Variants in SPATA6 observed in about 807,000 individuals in gnomAD.
The protein encoded by SPATA6 is spermatogenesis associated 6, also known as spermatogenesis-associated protein 6.
Under a neutral mutation model 65.3 loss-of-function variants are expected in SPATA6, and 56 were observed. That is an observed-to-expected ratio of 0.86 (90% CI 0.69 to 1.07). SPATA6 has a LOEUF of 1.07. Ranked by LOEUF, SPATA6 falls within the 50% of genes least tolerant of loss-of-function variation. SPATA6 has a pLI of 0.00. For synonymous variants in SPATA6, 199 were observed against 213.2 expected (o/e 0.93, Z 0.58); for missense variants, 590 against 594.8 (o/e 0.99, Z 0.08).
intron 11 of SPATA6, among the ~76,000 whole-genome samples, chr1:48,348,543 G>A (rs982886044): frequency 1.6e-4 from 25 of 151,700 alleles, no homozygotes; most frequent in Admixed American, 2.6e-4. Context: ...ACTACAAGAT[G>A]CTCCATGTTA....
At chr1:48,270,987 A>G in the SPATA6 span, among the ~76,000 whole-genome samples, 158 of 152,288 alleles carry the variant, frequency 1.0e-3, no homozygotes, top group African/African-American at 3.7e-3. Context: ...TGCATTTGAA[A>G]GCTAGAAGAT....
chr1:48,362,437 C>T (rs1248242437), intron 9 of SPATA6, among the ~76,000 whole-genome samples: 2 of 151,956 alleles, frequency 1.3e-5, no homozygotes, highest in East Asian at 1.9e-4. Flanking sequence ...AATTTTATCC[C>T]CAAACTAGTC....
intron 10 of SPATA6, among the ~76,000 whole-genome samples, chr1:48,356,565 G>T (rs998278093): frequency 7.0e-6 from 1 of 143,616 alleles, no homozygotes; most frequent in Non-Finnish European, 1.5e-5. Context: ...CCATGCTGGA[G>T]TGCAATGGCG....
At chr1:48,404,534 G>A (rs1651505307) in intron 5 of SPATA6, among the ~76,000 whole-genome samples, 1 of 151,848 alleles carries the variant, frequency 6.6e-6, no homozygotes, top group Non-Finnish European at 1.5e-5. Context: ...GTAGATACAG[G>A]ATCTCACTAT....
chr1:48,262,930 T>C, the SPATA6 span: 2 of 152,164 alleles, frequency 1.3e-5, no homozygotes, highest in African/African-American at 2.4e-5. Context: ...AATATTTTCA[T>C]ATTAATCTTT....
chr1:48,285,208 C>T, the SPATA6 span, among the ~76,000 whole-genome samples: 8 of 152,106 alleles, frequency 5.3e-5, no homozygotes, highest in East Asian at 1.9e-4. Context: ...TCAAACTTCC[C>T]GGCAGCTTTG....
At chr1:48,268,304 A>ATG in the SPATA6 span, among the ~76,000 whole-genome samples, 1,772 of 149,308 alleles carry the variant, frequency 0.012, 24 homozygotes, top group African/African-American at 0.032. Flanking sequence ...AAATAAAAAT[A>ATG]TGTGTGTGTG....
chr1:48,433,885 A>G (rs1045028796), intron 3 of SPATA6, among the ~76,000 whole-genome samples: 4 of 152,138 alleles, frequency 2.6e-5, no homozygotes, highest in Non-Finnish European at 5.9e-5. Flanking sequence ...GGTAAGAACT[A>G]ATTCCTAGAA....
At chr1:48,452,804 A>G (rs187802588) in intron 2 of SPATA6, among the ~76,000 whole-genome samples, 190 bp downstream of exon 2, 1 of 152,380 alleles carries the variant, frequency 6.6e-6, no homozygotes, top group African/African-American at 2.4e-5. Flanking sequence ...AATCAAGGGA[A>G]AAAAGGCAAC....
chr1:48,380,416 G>A (rs1350301315), intron 9 of SPATA6, among the ~76,000 whole-genome samples: 2 of 152,238 alleles, frequency 1.3e-5, no homozygotes, highest in Admixed American at 1.3e-4. Flanking sequence ...ATCCAGCGAT[G>A]AGAGTGGAAA....
chr1:48,462,163 G>C (rs1382496713), intron 1 of SPATA6, among the ~76,000 whole-genome samples: 1 of 151,540 alleles, frequency 6.6e-6, no homozygotes, highest in East Asian at 1.9e-4. Context: ...ATGGACACAG[G>C]AAGGGGAACA....
chr1:48,276,315 G>A, the SPATA6 span, among the ~76,000 whole-genome samples: 3 of 151,860 alleles, frequency 2.0e-5, no homozygotes, highest in Non-Finnish European at 2.9e-5. Context: ...TTTTTTGAAG[G>A]GTTTTTCATG....
chr1:48,301,577 C>T lies in SPATA6; in HGVS notation c.1287-2684G>A, dbSNP rs1644940148. Among the ~76,000 whole-genome samples, 3 of 151,602 alleles carry T rather than the reference C, an allele frequency of 2.0e-5. No individual in the cohort carries two copies. In the South Asian group the frequency reaches 6.2e-4, roughly 32 times the overall value. On this transcript the variant is annotated intron_variant, in intron 12 of 12. Coordinates refer to ENST00000371847, the MANE Select transcript of SPATA6 (RefSeq NM_019073.4). ...AAAAAACTAGAATAGCCAAAGCAATCCTGAGCAAACAGAACGAAGTTGGAG... is the reference window on the plus strand; with the variant it reads ...AAAAAACTAGAATAGCCAAAGCAATTCTGAGCAAACAGAACGAAGTTGGAG...
At position 48,432,767 on chromosome 1, in the gene SPATA6, C is replaced by T. The variant is rs1265574908; in HGVS notation, c.238+18785G>A. Among the ~76,000 whole-genome samples, 3 of 152,120 alleles carry T rather than the reference C, an allele frequency of 2.0e-5. No homozygotes were observed. The East Asian group carries it at 5.8e-4, about 29-fold the overall frequency. On this transcript the variant is annotated intron_variant, in intron 3 of 12. Coordinates refer to ENST00000371847, the MANE Select transcript of SPATA6 (RefSeq NM_019073.4). The stretch of plus-strand genomic sequence containing the variant: ...ATAATTACCATATGATCCAGCAATT[C>T]CACATCTGGATATATATTCAAAAGC...
chr1:48,337,411 T>C (rs1450163613), intron 11 of SPATA6, among the ~76,000 whole-genome samples: 3 of 151,876 alleles, frequency 2.0e-5, no homozygotes, highest in Non-Finnish European at 4.4e-5. Flanking sequence ...CTACAAAAAG[T>C]ATCATATTTA....
rs1645477866 is a variant in SPATA6 at position 48,317,657 on chromosome 1, C to T, written c.1195-11779G>A. ...CAAACCTGCACGTTGTGCACATGTA[C>T]CTTAAAACTTAAAGTAAAAAAAAAA... is the stretch of plus-strand genomic sequence containing the variant. On this transcript the variant is annotated intron_variant, in intron 11 of 12. Transcript: ENST00000371847. Among the ~76,000 whole-genome samples, 7 of 151,942 alleles carry T rather than the reference C, an allele frequency of 4.6e-5. No individual in the cohort carries two copies. The South Asian group carries it at 1.5e-3, about 32-fold the overall frequency.
chr1:48,323,099 C>A (rs1442175962), intron 11 of SPATA6, among the ~76,000 whole-genome samples: 1 of 152,140 alleles, frequency 6.6e-6, no homozygotes, highest in African/African-American at 2.4e-5. Flanking sequence ...ATAAATCATT[C>A]TACTATAAAG....
At chr1:48,400,857 AAAAAGT>A in intron 6 of SPATA6, 1 of 1,264,038 alleles carries the variant, frequency 7.9e-7, no homozygotes, top group African/African-American at 1.6e-5. Context: ...CAATGATTTC[AAAAAGT>A]AATTCAGAAT....
At chr1:48,342,982 T>C (rs1646262367) in intron 11 of SPATA6, among the ~76,000 whole-genome samples, 4 of 152,130 alleles carry the variant, frequency 2.6e-5, no homozygotes, top group Non-Finnish European at 5.9e-5. Context: ...CCAGTAGTAA[T>C]AAGATAAAGT....
Sources: allele counts gnomAD v4.1 joint callset (sites outside exome capture counted in the v4.1 genomes callset), GRCh38; gene constraint gnomAD v4.1.1; transcripts MANE v1.5; gene names NCBI Gene and HGNC (gene_info 2026-07-23, HGNC 2026-07-21).